TBC1D23: variants seen among roughly 807,000 people sequenced by gnomAD.
TBC1D23 encodes the protein TBC1 domain family member 23.
TBC1D23 carries 55 observed loss-of-function variants against 91.4 expected under a neutral mutation model. The ratio of observed to expected loss-of-function variants is 0.60; its 90% CI spans 0.48 to 0.75. The LOEUF (loss-of-function observed/expected upper bound fraction) is 0.75, where lower values mean the gene tolerates loss of function less well. Among genes scored for constraint, TBC1D23 ranks in the 30% least tolerant of loss-of-function variants. The probability of loss-of-function intolerance (pLI) is 0.00; values close to 1 mark genes in which losing one functional copy is unlikely to be tolerated. For synonymous variants in TBC1D23, 289 were observed against 281.0 expected (o/e 1.03, Z -0.28); for missense variants, 725 against 836.1 (o/e 0.87, Z 1.64).
At chr3:100,292,937 A>T (rs1229598415) in intron 5 of TBC1D23, among the ~76,000 whole-genome samples, 1 of 152,018 alleles carries the variant, frequency 6.6e-6, no homozygotes, top group Non-Finnish European at 1.5e-5. Flanking sequence ...ATATGTTGCC[A>T]CTGAATCTAC....
chr3:100,315,965 G>A, intron 15 of TBC1D23, 134 bp from the exon 16 acceptor site: 2 of 681,650 alleles, frequency 2.9e-6, no homozygotes, highest in South Asian at 3.4e-5. Context: ...CTAAAACTAT[G>A]GGTAGTACAT....
chr3:100,318,238 C>T (rs1705789111), intron 16 of TBC1D23, among the ~76,000 whole-genome samples: 1 of 151,590 alleles, frequency 6.6e-6, no homozygotes, highest in Non-Finnish European at 1.5e-5. Flanking sequence ...TAATTATTTA[C>T]CTTAGAGACT....
rs577930901 is a variant in TBC1D23 at position 100,290,112 on chromosome 3, G to A, written c.477-466G>A. Among the ~76,000 whole-genome samples the A allele has an allele frequency of 3.3e-5, 5 of 152,250 alleles. 1 individual carries two copies. The South Asian group carries it at 1.0e-3, about 32-fold the overall frequency. On this transcript the variant is annotated intron_variant, in intron 4 of 18. Coordinates refer to ENST00000394144, the MANE Select transcript of TBC1D23 (RefSeq NM_001199198.3). Reference sequence around the variant, plus strand: ...AGTTGGTACTTGGGCCGCTTCAACAGTTTTTAAGGCCATTATTTCTGAAAT... The same window carrying A: ...AGTTGGTACTTGGGCCGCTTCAACAATTTTTAAGGCCATTATTTCTGAAAT...
chr3:100,310,207 C>T (rs1705602294), intron 13 of TBC1D23, among the ~76,000 whole-genome samples, 196 bp from the exon 14 acceptor site: 1 of 152,176 alleles, frequency 6.6e-6, no homozygotes, highest in Non-Finnish European at 1.5e-5. Flanking sequence ...CACCTGAAGA[C>T]CTCATTTAAC....
In TBC1D23 at chr3:100,299,221, ATGT is replaced by A. The variant is rs767877756; in HGVS notation, c.1000-13_1000-11del. On this transcript the variant is annotated splice_polypyrimidine_tract_variant and intron_variant, in intron 9 of 18. Coordinates refer to ENST00000394144, the MANE Select transcript of TBC1D23 (RefSeq NM_001199198.3). The stretch of plus-strand genomic sequence containing the variant: ...CTCATGGGAAATTCCTGTATGTCAA[ATGT>A]TGTTTCCGTTTTAGGAAGGAGTCCG... 7 of 1,573,818 alleles carry A rather than the reference ATGT, an allele frequency of 4.4e-6. No individual in the cohort carries two copies. Among genetic ancestry groups the A allele is most frequent in the Admixed American group, 3.4e-5 (2 of 59,576 alleles).
chr3:100,269,276 T>A (rs770847186), intron 1 of TBC1D23, among the ~76,000 whole-genome samples: 2 of 152,212 alleles, frequency 1.3e-5, no homozygotes, highest in African/African-American at 2.4e-5. Context: ...GAGATTACAT[T>A]ATTCATAAGG....
chr3:100,287,037 T>G (rs2067749679), intron 4 of TBC1D23, among the ~76,000 whole-genome samples: 1 of 152,154 alleles, frequency 6.6e-6, no homozygotes, highest in African/African-American at 2.4e-5. Flanking sequence ...GGTCTCAAAC[T>G]TCTGACCTCA....
At chr3:100,311,205 C>T (rs974043330) in intron 14 of TBC1D23, among the ~76,000 whole-genome samples, 1 of 152,100 alleles carries the variant, frequency 6.6e-6, no homozygotes, top group African/African-American at 2.4e-5. Context: ...TTAAGGAAGC[C>T]TCATATTGGA....
At chr3:100,282,427 A>T (rs2067702979) in intron 3 of TBC1D23, among the ~76,000 whole-genome samples, 1 of 152,224 alleles carries the variant, frequency 6.6e-6, no homozygotes, top group Admixed American at 6.5e-5. Flanking sequence ...ATAATTAAAG[A>T]TCTATATGAT....
At chr3:100,317,425 TTTTG>T (rs1194044658) in intron 16 of TBC1D23, among the ~76,000 whole-genome samples, 1 of 152,188 alleles carries the variant, frequency 6.6e-6, no homozygotes, top group Non-Finnish European at 1.5e-5. Flanking sequence ...TTTCCAGGTT[TTTTG>T]TTTGTTTCAA....
At chr3:100,305,545 A>G (rs963623595) in intron 12 of TBC1D23, among the ~76,000 whole-genome samples, 1 of 152,198 alleles carries the variant, frequency 6.6e-6, no homozygotes, top group African/African-American at 2.4e-5. Flanking sequence ...ATCAAATCAA[A>G]TCAATATGTA....
Position 100,295,149 on chromosome 3 carries a change from T to G in TBC1D23, c.663T>G (p.Tyr221Ter). Residue 221 changes from tyrosine to a stop codon, truncating the protein, a stop_gained, in exon 6 of 19, where the codon TAT becomes TAG. Transcript: ENST00000394144. LOFTEE classifies it high-confidence loss of function. ...TCACTCAGGCAATATGGGATGGATA[T>G]CTACAACAAGCAGATCCATTTTTTA... Reference protein sequence around the residue: ...TEVTQAIWDGYLQQADPFFIY... With the variant: ...TEVTQAIWDG 5 of 1,607,740 alleles carry G rather than the reference T, an allele frequency of 3.1e-6. No homozygotes were observed. The highest frequency in any genetic ancestry group is 4.2e-6 in the Non-Finnish European group (5 of 1,177,294).
chr3:100,297,729 C>A (rs547971019), intron 8 of TBC1D23, among the ~76,000 whole-genome samples, 194 bp from the exon 9 acceptor site: 31 of 150,918 alleles, frequency 2.1e-4, no homozygotes, highest in Non-Finnish European at 4.4e-4. Context: ...TTTGTATGAA[C>A]ACTGACAGGG....
chr3:100,296,158 C>T lies in TBC1D23; in HGVS notation c.773-14C>T, dbSNP rs2067837377. ...TTTCACAAACTACTAAATATTATGT[C>T]TATAATATTTCAGAGTTCTTGGAAA... On this transcript the variant is annotated splice_polypyrimidine_tract_variant and intron_variant, in intron 7 of 18. Transcript: ENST00000394144. 1 of 1,385,140 alleles carries T rather than the reference C, an allele frequency of 7.2e-7. No homozygotes were observed. The highest frequency in any genetic ancestry group is 1.0e-6 in the Non-Finnish European group (1 of 996,358). 85.8% of individuals were successfully genotyped at this position (1,385,140 alleles called of 1,614,324 possible).
intron 1 of TBC1D23, among the ~76,000 whole-genome samples, chr3:100,266,051 A>C (rs2067555236): frequency 6.6e-6 from 1 of 152,180 alleles, no homozygotes; most frequent in African/African-American, 2.4e-5. Flanking sequence ...TTTGTCTAAG[A>C]AGGACATTGT....
At chr3:100,290,107 C>T (rs2067776613) in intron 4 of TBC1D23, among the ~76,000 whole-genome samples, 1 of 152,140 alleles carries the variant, frequency 6.6e-6, no homozygotes, top group South Asian at 2.1e-4. Flanking sequence ...TGGGCCGCTT[C>T]AACAGTTTTT....
At position 100,283,672 on chromosome 3, in the gene TBC1D23, T is replaced by A; in HGVS notation, c.337T>A (p.Phe113Ile). Residue 113 changes from phenylalanine (F) to isoleucine (I), a missense_variant, in exon 4 of 19, where the codon TTT becomes ATT. Physicochemically the swap from Phe to Ile is conservative, Grantham distance 21. Coordinates refer to ENST00000394144, the MANE Select transcript of TBC1D23 (RefSeq NM_001199198.3). ...LLLDIESVIT[F>I]YCKSRNIKYS... ...TTTGGATATTGAATCTGTAATTACC[T>A]TTTATTGTAAATCACGTAACATTAA... 1.2e-6 allele frequency: 2 copies of A among 1,613,132 alleles called. No individual in the cohort carries two copies. The highest frequency in any genetic ancestry group is 1.7e-4 in the Middle Eastern group (1 of 6,058).
At chr3:100,321,094 CT>C in intron 18 of TBC1D23, 123 bp downstream of exon 18, 1 of 702,050 alleles carries the variant, frequency 1.4e-6, no homozygotes, top group Admixed American at 3.0e-5. Flanking sequence ...AGCTGAACCA[CT>C]TTTAGTGTTT....
intron 1 of TBC1D23, among the ~76,000 whole-genome samples, chr3:100,278,551 A>G (rs2067668797): frequency 6.6e-6 from 1 of 151,942 alleles, no homozygotes; most frequent in South Asian, 2.1e-4. Flanking sequence ...CAGCCCGCTA[A>G]TTTTTTGTGT....
Sources: gnomAD v4.1 joint callset for allele counts (sites outside exome capture counted in the v4.1 genomes callset) on GRCh38, gnomAD v4.1.1 for gene constraint, MANE v1.5 for transcripts, NCBI Gene and HGNC (gene_info 2026-07-23, HGNC 2026-07-21) for gene names.